CSMD3: variants seen among roughly 807,000 people sequenced by gnomAD.
CSMD3 encodes the protein CUB and Sushi multiple domains 3.
Under a neutral mutation model 435.2 loss-of-function variants are expected in CSMD3, and 177 were observed. That is an observed-to-expected ratio of 0.41 (90% CI 0.36 to 0.46). CSMD3 has a LOEUF of 0.46. CSMD3 is among the 20% of genes least tolerant of loss of function. The pLI is 0.34. For synonymous variants in CSMD3, 1,656 were observed against 1,520.5 expected (o/e 1.09, Z -2.07); for missense variants, 4,265 against 4,504.6 (o/e 0.95, Z 1.52).
At chr8:113,383,726 G>A (rs763799947) in intron 1 of CSMD3, among the ~76,000 whole-genome samples, 4 of 152,158 alleles carry the variant, frequency 2.6e-5, no homozygotes, top group Non-Finnish European at 5.9e-5. Context: ...AGTTCAGCAA[G>A]CTTCTCGAAA....
intron 4 of CSMD3, among the ~76,000 whole-genome samples, chr8:113,139,202 A>G (rs1382376339): frequency 2.6e-5 from 4 of 151,024 alleles, no homozygotes; most frequent in Non-Finnish European, 5.9e-5. Flanking sequence ...GTCTCTAAAT[A>G]GCAAATAATA....
chr8:112,955,152 T>C (rs1023653836), intron 7 of CSMD3, among the ~76,000 whole-genome samples: 1 of 151,708 alleles, frequency 6.6e-6, no homozygotes, highest in Admixed American at 6.6e-5. Flanking sequence ...AAGGATTTAA[T>C]AGGTTTGTTC....
intron 4 of CSMD3, among the ~76,000 whole-genome samples, chr8:113,134,923 AATGAGGATCAAAC>A (rs1371597045): frequency 4.6e-5 from 7 of 152,058 alleles, no homozygotes; most frequent in African/African-American, 1.4e-4. Context: ...AATGTGAGCA[AATGAGGATCAAAC>A]ATGAGGAGGA....
intron 5 of CSMD3, among the ~76,000 whole-genome samples, chr8:113,059,425 A>T (rs544719012): frequency 6.6e-6 from 1 of 152,272 alleles, no homozygotes; most frequent in East Asian, 1.9e-4. Context: ...TCCCTAGTTT[A>T]CAATCCACTC....
chr8:113,356,668 T>C (rs772367529), intron 1 of CSMD3, among the ~76,000 whole-genome samples: 6 of 152,132 alleles, frequency 3.9e-5, no homozygotes, highest in Admixed American at 2.0e-4. Context: ...ATAGAAAGCA[T>C]AGTCAATGTA....
At chr8:113,149,161 A>G (rs540540885) in intron 4 of CSMD3, among the ~76,000 whole-genome samples, 4 of 151,852 alleles carry the variant, frequency 2.6e-5, no homozygotes, top group Non-Finnish European at 4.4e-5. Context: ...TTTCCATTAA[A>G]TTTAAACTCT....
intron 17 of CSMD3, among the ~76,000 whole-genome samples, chr8:112,662,336 C>T (rs577727493): frequency 9.9e-5 from 15 of 151,420 alleles, no homozygotes; most frequent in Admixed American, 2.0e-4. Flanking sequence ...TATAGACCAA[C>T]GGAACAGAAC....
intron 4 of CSMD3, among the ~76,000 whole-genome samples, chr8:113,102,056 C>G (rs2090346175): frequency 6.6e-6 from 1 of 152,082 alleles, no homozygotes; most frequent in Non-Finnish European, 1.5e-5. Context: ...ACTCTTGAAT[C>G]CAGTGCTGTG....
chr8:112,817,058 C>T (rs529759154), intron 12 of CSMD3, among the ~76,000 whole-genome samples: 10 of 152,068 alleles, frequency 6.6e-5, no homozygotes, highest in South Asian at 4.2e-4. Context: ...TTGCTCAATT[C>T]GATGTCATCC....
At chr8:112,307,562 C>T (rs962792449) in intron 50 of CSMD3, among the ~76,000 whole-genome samples, 7 of 152,076 alleles carry the variant, frequency 4.6e-5, no homozygotes, top group Non-Finnish European at 1.0e-4. Context: ...GGATTACAGG[C>T]GTGAACCACT....
chr8:112,376,217 A>C (rs1314921341), intron 38 of CSMD3, among the ~76,000 whole-genome samples: 1 of 152,126 alleles, frequency 6.6e-6, no homozygotes, highest in Non-Finnish European at 1.5e-5. Flanking sequence ...TATCTTTCTG[A>C]ATCTTCTACT....
At chr8:112,383,774 G>A in intron 36 of CSMD3, 111 bp from the exon 37 acceptor site, 1 of 757,208 alleles carries the variant, frequency 1.3e-6, no homozygotes, top group Non-Finnish European at 2.4e-6. Context: ...CCACATAATT[G>A]TGACCCTTCA....
chr8:112,354,493 C>T (rs1826411029), intron 38 of CSMD3, among the ~76,000 whole-genome samples: 1 of 152,148 alleles, frequency 6.6e-6, no homozygotes, highest in South Asian at 2.1e-4. Flanking sequence ...TAAACAACTT[C>T]AATAAAGTGT....
chr8:112,619,006 G>A (rs1006000132), intron 22 of CSMD3, among the ~76,000 whole-genome samples: 1 of 151,804 alleles, frequency 6.6e-6, no homozygotes, highest in African/African-American at 2.4e-5. Flanking sequence ...CCTGTGCCTC[G>A]GCTTCTGAAA....
chr8:113,256,109 G>C (rs1484287631), intron 3 of CSMD3, among the ~76,000 whole-genome samples: 1 of 151,788 alleles, frequency 6.6e-6, no homozygotes, highest in Non-Finnish European at 1.5e-5. Flanking sequence ...GGGACAAAGA[G>C]ATTTCATGAG....
chr8:113,172,737 G>A (rs1222139476), intron 4 of CSMD3, among the ~76,000 whole-genome samples: 1 of 152,132 alleles, frequency 6.6e-6, no homozygotes, highest in African/African-American at 2.4e-5. Flanking sequence ...ACATGTTTGG[G>A]AGGAAGCTAC....
At position 112,887,627 on chromosome 8, in the gene CSMD3, A is replaced by T. The variant is rs546885021; in HGVS notation, c.1634-28361T>A. Among the ~76,000 whole-genome samples, 13 of 151,584 alleles carry T rather than the reference A, an allele frequency of 8.6e-5. No homozygotes were observed. The South Asian group carries it at 2.7e-3, about 32-fold the overall frequency. On this transcript the variant is annotated intron_variant, in intron 10 of 70. Transcript: ENST00000297405. ...AAATATGTAATGCATAAGTTTTTTC[A>T]CATTTTCTGTGTATTATTTTATAGT...
intron 4 of CSMD3, among the ~76,000 whole-genome samples, chr8:113,106,395 C>T (rs1374647816): frequency 6.6e-6 from 1 of 151,990 alleles, no homozygotes; most frequent in Non-Finnish European, 1.5e-5. Flanking sequence ...TGGACTTAAA[C>T]ACATGGCAAT....
chr8:112,574,435 G>A (rs1829781197), intron 23 of CSMD3, among the ~76,000 whole-genome samples: 1 of 151,806 alleles, frequency 6.6e-6, no homozygotes, highest in Non-Finnish European at 1.5e-5. Context: ...ACTCTTTTAC[G>A]TGTAACCTCA....
Sources: allele counts gnomAD v4.1 joint callset (sites outside exome capture counted in the v4.1 genomes callset), GRCh38; gene constraint gnomAD v4.1.1; transcripts MANE v1.5; gene names NCBI Gene and HGNC (gene_info 2026-07-23, HGNC 2026-07-21).